The following NEMP2 variants were observed in gnomAD, a reference collection of about 807,000 sequenced individuals.
The protein encoded by NEMP2 is UPF0571 transmembrane protein.
Under a neutral mutation model 54.2 loss-of-function variants are expected in NEMP2, and 53 were observed. The ratio of observed to expected loss-of-function variants is 0.98; its 90% CI spans 0.78 to 1.23. The LOEUF is 1.23. Ranked by LOEUF, NEMP2 falls within the 50% of genes most tolerant of loss-of-function variation. NEMP2 has a pLI of 0.00. For missense variants in NEMP2, 455 were observed against 511.3 expected, an observed-to-expected ratio of 0.89 and a Z score of 1.06; for synonymous variants, 197 against 190.3, an observed-to-expected ratio of 1.04 and a Z score of -0.29.
the NEMP2 span, chr2:190,437,510 T>C: frequency 6.2e-7 from 1 of 1,614,180 alleles, no homozygotes; most frequent in Non-Finnish European, 8.5e-7. The surrounding 1 kb of genome is among the most constrained non-coding windows in gnomAD (Gnocchi z 5.9). Context: ...GTGTCTGAGC[T>C]GACAGCATAT....
the NEMP2 span, among the ~76,000 whole-genome samples, chr2:190,446,424 A>G: frequency 6.6e-6 from 1 of 152,298 alleles, no homozygotes; most frequent in African/African-American, 2.4e-5. Context: ...GCTAAATCCT[A>G]TAGTTCCAAC....
In NEMP2 at chr2:190,520,494, C is replaced by T. The variant is rs1025815969; in HGVS notation, c.214-1311G>A. Among the ~76,000 whole-genome samples, 18 of 152,218 alleles carry T rather than the reference C, an allele frequency of 1.2e-4. No homozygotes were observed. Among genetic ancestry groups the T allele is most frequent in the Non-Finnish European group, 1.9e-4 (13 of 68,046 alleles). On this transcript the variant is annotated intron_variant, in intron 2 of 8. Coordinates refer to ENST00000409150, the MANE Select transcript of NEMP2 (RefSeq NM_001142645.2). The surrounding 1 kb of genome is among the most constrained non-coding windows in gnomAD (Gnocchi z 5.4). ...GAGTAAGAGCACCAGCTTTGAATCT[C>T]AGGCATCAGGTAATATCACTCACTA... is the stretch of plus-strand genomic sequence containing the variant.
At chr2:190,477,731 CATA>C in the NEMP2 span, among the ~76,000 whole-genome samples, 15 of 152,160 alleles carry the variant, frequency 9.9e-5, no homozygotes, top group South Asian at 1.2e-3. Flanking sequence ...TGTGTAAACA[CATA>C]ATAACTATAC....
At chr2:190,644,528 C>T in the NEMP2 span, among the ~76,000 whole-genome samples, 1 of 152,298 alleles carries the variant, frequency 6.6e-6, no homozygotes, top group East Asian at 1.9e-4. The surrounding 1 kb of genome is among the most constrained non-coding windows in gnomAD (Gnocchi z 4.4). Context: ...AAAAATTATT[C>T]TCTTTCTCTA....
At chr2:190,577,624 C>T in the NEMP2 span, among the ~76,000 whole-genome samples, 1 of 152,292 alleles carries the variant, frequency 6.6e-6, no homozygotes, top group Non-Finnish European at 1.5e-5. The surrounding 1 kb of genome is among the most constrained non-coding windows in gnomAD (Gnocchi z 4.8). Context: ...ACCTGTAATC[C>T]CAGCACTTTG....
At chr2:190,431,695 AAG>A in the NEMP2 span, among the ~76,000 whole-genome samples, 34,734 of 152,004 alleles carry the variant, frequency 0.23, 4,880 homozygotes, top group South Asian at 0.33. The surrounding 1 kb of genome is among the most constrained non-coding windows in gnomAD (Gnocchi z 4.4). Flanking sequence ...AGACCGTGGA[AAG>A]AGAGGGAGAG....
the NEMP2 span, among the ~76,000 whole-genome samples, chr2:190,573,691 G>A: frequency 3.9e-5 from 6 of 152,152 alleles, no homozygotes; most frequent in African/African-American, 1.4e-4. Flanking sequence ...TTATTGAAAC[G>A]TAACCTAGCC....
the NEMP2 span, among the ~76,000 whole-genome samples, chr2:190,459,900 A>G: frequency 3.9e-5 from 6 of 152,242 alleles, no homozygotes; most frequent in Non-Finnish European, 8.8e-5. This position sits in a 1 kb window ranked among gnomAD's most constrained non-coding sequence, Gnocchi z 5.3. Context: ...TATTATTTCT[A>G]ATTCACTCTC....
chr2:190,545,483 A>G, the NEMP2 span, among the ~76,000 whole-genome samples: 1 of 152,354 alleles, frequency 6.6e-6, no homozygotes, highest in East Asian at 1.9e-4. Context: ...AGTTTAAGTT[A>G]CTTAACTGCC....
the NEMP2 span, among the ~76,000 whole-genome samples, chr2:190,632,066 A>AAAAAG: frequency 8.5e-5 from 13 of 152,316 alleles, no homozygotes; most frequent in South Asian, 6.2e-4. This position sits in a 1 kb window ranked among gnomAD's most constrained non-coding sequence, Gnocchi z 4.8. Context: ...CAAAAAAAGA[A>AAAAAG]AAAAGAAAAG....
chr2:190,422,458 A>G, the NEMP2 span, among the ~76,000 whole-genome samples: 1 of 152,154 alleles, frequency 6.6e-6, no homozygotes, highest in Non-Finnish European at 1.5e-5. Flanking sequence ...GAAAGGGTAC[A>G]TAAGAGATAA....
the NEMP2 span, among the ~76,000 whole-genome samples, chr2:190,621,597 GTT>G: frequency 2.1e-5 from 3 of 143,990 alleles, no homozygotes; most frequent in Non-Finnish European, 3.1e-5. Flanking sequence ...CTGTCTTTGG[GTT>G]TTTTTTTTTG....
chr2:190,464,434 C>T, the NEMP2 span, among the ~76,000 whole-genome samples: 1 of 152,116 alleles, frequency 6.6e-6, no homozygotes, highest in Non-Finnish European at 1.5e-5. Flanking sequence ...CTTTGCTGCT[C>T]ACACCCTGTG....
chr2:190,446,333 A>T, the NEMP2 span, among the ~76,000 whole-genome samples: 42 of 152,308 alleles, frequency 2.8e-4, 1 homozygote, highest in East Asian at 2.3e-3. Context: ...CCAAGGCTGC[A>T]CAGTTTGGGA....
chr2:190,635,477 G>A, the NEMP2 span, among the ~76,000 whole-genome samples: 1 of 151,950 alleles, frequency 6.6e-6, no homozygotes. The surrounding 1 kb of genome is among the most constrained non-coding windows in gnomAD (Gnocchi z 4.1). Flanking sequence ...GCCTCCCAAA[G>A]TGCTCCCAAT....
At chr2:190,548,371 GC>G in the NEMP2 span, among the ~76,000 whole-genome samples, 1 of 152,146 alleles carries the variant, frequency 6.6e-6, no homozygotes, top group Admixed American at 6.5e-5. Context: ...GTTTCAAAGG[GC>G]CAGACCTAAG....
the NEMP2 span, among the ~76,000 whole-genome samples, chr2:190,630,364 A>G: frequency 6.6e-6 from 1 of 151,992 alleles, no homozygotes; most frequent in Non-Finnish European, 1.5e-5. This position sits in a 1 kb window ranked among gnomAD's most constrained non-coding sequence, Gnocchi z 5.5. Context: ...ATTACAGGCC[A>G]GCACCACCAC....
chr2:190,580,437 G>GCA, the NEMP2 span, among the ~76,000 whole-genome samples: 1 of 152,162 alleles, frequency 6.6e-6, no homozygotes, highest in Non-Finnish European at 1.5e-5. This position sits in a 1 kb window ranked among gnomAD's most constrained non-coding sequence, Gnocchi z 5.3. Flanking sequence ...GGAAATTCCA[G>GCA]GTTCTGCTGT....
chr2:190,631,981 A>G, the NEMP2 span, among the ~76,000 whole-genome samples: 1 of 152,216 alleles, frequency 6.6e-6, no homozygotes. Context: ...ACCTGAGCTC[A>G]GGAGGTAGAG....
Sources: gnomAD v4.1 joint callset for allele counts (sites outside exome capture counted in the v4.1 genomes callset) on GRCh38, gnomAD v4.1.1 for gene constraint, Gnocchi (gnomAD v3.1) non-coding constraint, MANE v1.5 for transcripts, NCBI Gene and HGNC (gene_info 2026-07-23, HGNC 2026-07-21) for gene names.